Variants in LNPEP observed in about 807,000 individuals in gnomAD.
LNPEP encodes leucyl and cystinyl aminopeptidase.
A neutral mutation model predicts 120.6 loss-of-function variants in LNPEP; 64 were observed. The ratio of observed to expected loss-of-function variants is 0.53; its 90% CI spans 0.43 to 0.65. The LOEUF is 0.65. LNPEP is among the 30% of genes least tolerant of loss of function. The pLI is 0.00. For missense variants in LNPEP, 1,057 were observed against 1,200.0 expected (o/e 0.88, Z 1.76); for synonymous variants, 435 against 425.4 (o/e 1.02, Z -0.28).
At chr5:96,941,622 C>A (rs1789058123) in intron 1 of LNPEP, among the ~76,000 whole-genome samples, 1 of 152,120 alleles carries the variant, frequency 6.6e-6, no homozygotes, top group South Asian at 2.1e-4. Flanking sequence ...TGACCTAGAT[C>A]TACATATGGC....
rs914174107 is a variant in LNPEP, at chr5:97,035,815, AGCAGATAAG to A, written c.*7283_*7291del. The A allele has an allele frequency of 2.0e-5, 3 of 152,222 alleles. No individual in the cohort carries two copies. Among genetic ancestry groups the A allele is most frequent in the Non-Finnish European group, 4.4e-5 (3 of 68,022 alleles). The allele number at this position is 152,222 out of a possible 1,614,324, so 9.4% of individuals were successfully genotyped here. A position where few individuals can be genotyped will look rare whatever the true frequency, so the allele number is the denominator to read the frequency against. On this transcript the variant is annotated 3_prime_UTR_variant, in exon 18 of 18. Transcript: ENST00000231368. ...ATGTAACTAATAGCAACAGGTGTGCAGCAGATAAGACAGGAGAAGACACTCAGCTATGGT... is the reference window on the plus strand; with the variant it reads ...ATGTAACTAATAGCAACAGGTGTGCAACAGGAGAAGACACTCAGCTATGGT...
intron 14 of LNPEP, among the ~76,000 whole-genome samples, chr5:97,023,796 G>T (rs1561455989): frequency 6.6e-6 from 1 of 152,014 alleles, no homozygotes; most frequent in Non-Finnish European, 1.5e-5. Flanking sequence ...ATTTTTTGAG[G>T]AACTGCCATA....
intron 13 of LNPEP, among the ~76,000 whole-genome samples, chr5:97,015,999 C>T (rs113827834): frequency 6.6e-6 from 1 of 151,972 alleles, no homozygotes; most frequent in Non-Finnish European, 1.5e-5. Flanking sequence ...TACTGCCTTA[C>T]CCTGCGTCTC....
At position 96,993,894 on chromosome 5, in the gene LNPEP, C is replaced by G. The variant is rs1438384399; in HGVS notation, c.1330C>G (p.Leu444Val). 4 of 1,613,842 alleles carry G rather than the reference C, an allele frequency of 2.5e-6. No individual in the cohort carries two copies. The Admixed American group carries it at 5.0e-5, about 20-fold the overall frequency. Reference sequence around the variant, plus strand: ...GCTCACCTTCCGAGAGGAGACACTTCTGTATGACAGTAACACTTCTTCAAT... The same window carrying G: ...GCTCACCTTCCGAGAGGAGACACTTGTGTATGACAGTAACACTTCTTCAAT... ...GLLTFREETL[L>V]YDSNTSSMAD... Residue 444 changes from leucine to valine, a missense_variant, in exon 6 of 18, where the codon CTG (leucine) becomes GTG (valine). Transcript: ENST00000231368.
chr5:97,014,909 A>G (rs747499156), intron 12 of LNPEP, 30 bp from the exon 13 acceptor site: 2 of 1,466,734 alleles, frequency 1.4e-6, no homozygotes, highest in East Asian at 2.5e-5. Flanking sequence ...GTCTCTGCAT[A>G]TTTACTTTTC....
chr5:97,000,989 T>C (rs998743543), intron 8 of LNPEP, among the ~76,000 whole-genome samples: 6 of 152,150 alleles, frequency 3.9e-5, no homozygotes, highest in African/African-American at 7.2e-5. Context: ...TAGATGAAGT[T>C]AGAGGGACTG....
In LNPEP at chr5:96,936,238, G is replaced by A. The variant is rs117273653; in HGVS notation, c.19+64G>A. The stretch of plus-strand genomic sequence containing the variant: ...GGAGCCCTGAGGGTCGTGGGCAGTC[G>A]TGACACGCGGGGTCGGGCTGCAGCC... On this transcript the variant is annotated intron_variant, in intron 1 of 17. Coordinates refer to ENST00000231368, the MANE Select transcript of LNPEP (RefSeq NM_005575.3). 6.3e-3 allele frequency: 8,265 copies of A among 1,304,454 alleles called. 199 individuals carry two copies. In the East Asian group the frequency reaches 0.072, roughly 11 times the overall value. The allele number at this position is 1,304,454 out of a possible 1,614,324, so 80.8% of individuals were successfully genotyped here.
At chr5:97,008,810 G>A (rs935571504) in intron 11 of LNPEP, among the ~76,000 whole-genome samples, 6 of 151,646 alleles carry the variant, frequency 4.0e-5, no homozygotes, top group African/African-American at 4.9e-5. Flanking sequence ...GACTACAGGC[G>A]CCTGCCACCA....
At chr5:97,010,562 G>T (rs1471970898) in intron 11 of LNPEP, 2 of 985,000 alleles carry the variant, frequency 2.0e-6, no homozygotes, top group African/African-American at 1.7e-5. Context: ...TTGTAACTTT[G>T]TAGTAAAAAC....
intron 11 of LNPEP, 133 bp downstream of exon 11, chr5:97,006,648 G>A (rs1207093489): frequency 3.2e-6 from 2 of 624,626 alleles, no homozygotes; most frequent in African/African-American, 1.9e-5. Flanking sequence ...TGCAAGATGT[G>A]ACTAATGTGA....
chr5:97,008,812 CTG>C (rs1267511285), intron 11 of LNPEP, among the ~76,000 whole-genome samples: 2 of 151,808 alleles, frequency 1.3e-5, no homozygotes, highest in Non-Finnish European at 2.9e-5. Flanking sequence ...CTACAGGCGC[CTG>C]CCACCATGCC....
At chr5:96,961,955 A>G (rs1437973290) in intron 1 of LNPEP, among the ~76,000 whole-genome samples, 2 of 152,186 alleles carry the variant, frequency 1.3e-5, no homozygotes, top group Non-Finnish European at 2.9e-5. Context: ...AAGTAGTAAT[A>G]CAGTAAATTT....
Position 97,026,700 on chromosome 5 carries a change from C to T in LNPEP, c.2807C>T (p.Pro936Leu). ...ATTAGAACAGTGGGTCGACATTTTC[C>T]TGGACACTTACTGGCATGGGATTTT... is the stretch of plus-strand genomic sequence containing the variant. ...FIIRTVGRHF[P>L]GHLLAWDFVK... Residue 936 changes from proline to leucine, a missense_variant, in exon 16 of 18, where the codon CCT (proline) becomes CTT (leucine). By Grantham distance (98) the Pro-to-Leu change is moderately conservative. Transcript: ENST00000231368. 6.2e-7 allele frequency: 1 copy of T among 1,613,334 alleles called. No homozygotes were observed. Among genetic ancestry groups the T allele is most frequent in the Non-Finnish European group, 8.5e-7 (1 of 1,179,308 alleles).
chr5:97,001,577 G>A (rs1790650505), intron 8 of LNPEP, among the ~76,000 whole-genome samples: 1 of 152,096 alleles, frequency 6.6e-6, no homozygotes, highest in Non-Finnish European at 1.5e-5. Context: ...CTTGGAGTTG[G>A]GAGATCAACT....
chr5:97,021,832 G>A (rs1397731648), intron 13 of LNPEP, among the ~76,000 whole-genome samples: 2 of 147,592 alleles, frequency 1.4e-5, no homozygotes, highest in African/African-American at 4.9e-5. Context: ...TATTTAATGA[G>A]TAATATCTAT....
chr5:97,011,680 A>T (rs1336514551), intron 11 of LNPEP, among the ~76,000 whole-genome samples: 7 of 152,282 alleles, frequency 4.6e-5, no homozygotes, highest in Non-Finnish European at 1.0e-4. Context: ...CACTGCTGCC[A>T]TCACAAGTAT....
chr5:96,984,239 AC>A (rs923303152), intron 2 of LNPEP, among the ~76,000 whole-genome samples: 4 of 152,224 alleles, frequency 2.6e-5, no homozygotes, highest in African/African-American at 9.6e-5. Flanking sequence ...ACTCAAAATT[AC>A]AAAGTTTTCC....
chr5:96,939,791 T>C (rs964446626), intron 1 of LNPEP, among the ~76,000 whole-genome samples: 1 of 152,108 alleles, frequency 6.6e-6, no homozygotes, highest in Non-Finnish European at 1.5e-5. Flanking sequence ...GAGATATTTG[T>C]GGGTTGTAAT....
chr5:97,027,209 C>T (rs912654188), intron 16 of LNPEP, among the ~76,000 whole-genome samples: 5 of 151,960 alleles, frequency 3.3e-5, no homozygotes, highest in East Asian at 3.9e-4. Flanking sequence ...AAAAATTAGC[C>T]GGGCATGGTG....
Sources: gnomAD v4.1 joint callset for allele counts (sites outside exome capture counted in the v4.1 genomes callset) on GRCh38, gnomAD v4.1.1 for gene constraint, MANE v1.5 for transcripts, NCBI Gene and HGNC (gene_info 2026-07-23, HGNC 2026-07-21) for gene names.